The following PPARGC1A variants were observed in gnomAD, a reference collection of about 807,000 sequenced individuals.
PPARGC1A encodes the protein PPARG coactivator 1 alpha, also known as peroxisome proliferator-activated receptor gamma coactivator 1-alpha.
Under a neutral mutation model 88.7 loss-of-function variants are expected in PPARGC1A, and 25 were observed. That is an observed-to-expected ratio of 0.28 (90% CI 0.21 to 0.39). PPARGC1A has a LOEUF of 0.39. Among genes scored for constraint, PPARGC1A ranks in the 10% least tolerant of loss-of-function variants. The pLI is 1.00. For missense variants in PPARGC1A, 880 were observed against 968.7 expected, an observed-to-expected ratio of 0.91 and a Z score of 1.22; for synonymous variants, 363 against 355.6, an observed-to-expected ratio of 1.02 and a Z score of -0.24.
At chr4:24,156,996 C>T in the PPARGC1A span, among the ~76,000 whole-genome samples, 2 of 152,106 alleles carry the variant, frequency 1.3e-5, no homozygotes, top group African/African-American at 4.8e-5. Flanking sequence ...ATACAAGACA[C>T]TCATTTTTCT....
At chr4:24,427,535 T>C in the PPARGC1A span, among the ~76,000 whole-genome samples, 1 of 152,204 alleles carries the variant, frequency 6.6e-6, no homozygotes, top group Non-Finnish European at 1.5e-5. Context: ...CCGTGACCTA[T>C]CCAGTTTGTT....
intron 2 of PPARGC1A, among the ~76,000 whole-genome samples, chr4:23,860,854 G>A (rs1030388967): frequency 6.6e-6 from 1 of 152,150 alleles, no homozygotes; most frequent in Admixed American, 6.5e-5. Flanking sequence ...CCACTGGCTT[G>A]CACTCTGCCT....
the PPARGC1A span, among the ~76,000 whole-genome samples, chr4:24,316,384 A>G: frequency 6.6e-6 from 1 of 152,328 alleles, no homozygotes; most frequent in Admixed American, 6.5e-5. Context: ...ACAATGTCCA[A>G]ATGCTTGGCT....
chr4:24,143,064 C>A, the PPARGC1A span, among the ~76,000 whole-genome samples: 2 of 152,102 alleles, frequency 1.3e-5, no homozygotes, highest in Non-Finnish European at 2.9e-5. Context: ...TGCAGTGAAA[C>A]TATACCAATT....
chr4:24,075,784 A>G, the PPARGC1A span, among the ~76,000 whole-genome samples: 2 of 152,082 alleles, frequency 1.3e-5, no homozygotes, highest in Non-Finnish European at 2.9e-5. Flanking sequence ...AGGCCTTCCC[A>G]GCCACATGGA....
At chr4:23,960,879 T>G in the PPARGC1A span, among the ~76,000 whole-genome samples, 1 of 152,180 alleles carries the variant, frequency 6.6e-6, no homozygotes, top group Non-Finnish European at 1.5e-5. Flanking sequence ...TGGGCTTCTA[T>G]GTACATGGTA....
chr4:23,976,188 G>A, the PPARGC1A span, among the ~76,000 whole-genome samples: 2 of 152,312 alleles, frequency 1.3e-5, no homozygotes, highest in African/African-American at 2.4e-5. Context: ...TGTGGGGCAG[G>A]AAAGAGGAAT....
the PPARGC1A span, among the ~76,000 whole-genome samples, chr4:23,944,212 C>A: frequency 6.6e-6 from 1 of 152,176 alleles, no homozygotes; most frequent in Admixed American, 6.5e-5. Flanking sequence ...ATTCTCTGTA[C>A]TTTCTTAACA....
At chr4:24,322,111 CCCA>C in the PPARGC1A span, among the ~76,000 whole-genome samples, 2 of 152,174 alleles carry the variant, frequency 1.3e-5, no homozygotes, top group Admixed American at 6.5e-5. Flanking sequence ...GAATTCGTTA[CCCA>C]CCGAGTTAAA....
chr4:23,978,046 C>T, the PPARGC1A span, among the ~76,000 whole-genome samples: 137 of 152,208 alleles, frequency 9.0e-4, no homozygotes, highest in Non-Finnish European at 3.8e-4. Context: ...AGACTGCATT[C>T]GGATATGAGG....
the PPARGC1A span, among the ~76,000 whole-genome samples, chr4:24,194,624 G>GCGCA: frequency 3.6e-5 from 2 of 54,806 alleles, no homozygotes; most frequent in African/African-American, 6.1e-5. Flanking sequence ...GCGCGCGCAC[G>GCGCA]CGCGCGCACA....
chr4:23,890,911 A>C (rs1717764476), upstream of PPARGC1A, among the ~76,000 whole-genome samples: 1 of 152,014 alleles, frequency 6.6e-6, no homozygotes, highest in South Asian at 2.1e-4. Flanking sequence ...TTTTTCATAC[A>C]TGTAGCGTTT....
intron 2 of PPARGC1A, among the ~76,000 whole-genome samples, chr4:23,868,856 A>G (rs7683406): frequency 0.52 from 79,499 of 152,116 alleles, 21,627 homozygotes; most frequent in Non-Finnish European, 0.6. Flanking sequence ...GTTTCCTTTC[A>G]GTTCTCATTC....
At chr4:24,313,432 C>G in the PPARGC1A span, among the ~76,000 whole-genome samples, 85 of 152,332 alleles carry the variant, frequency 5.6e-4, no homozygotes, top group South Asian at 3.1e-3. Flanking sequence ...CACAAAATGC[C>G]TGTAATCTCT....
At chr4:24,165,629 A>G in the PPARGC1A span, among the ~76,000 whole-genome samples, 2 of 152,190 alleles carry the variant, frequency 1.3e-5, no homozygotes, top group African/African-American at 4.8e-5. Flanking sequence ...GGTAAGTCTC[A>G]TGGTATTTCA....
chr4:23,940,305 A>T, the PPARGC1A span, among the ~76,000 whole-genome samples: 2 of 152,318 alleles, frequency 1.3e-5, no homozygotes, highest in South Asian at 4.1e-4. Flanking sequence ...TATAACAGAG[A>T]ACTGTGGAAG....
At chr4:23,894,679 C>T (rs1718310102), upstream of PPARGC1A, among the ~76,000 whole-genome samples, 2 of 151,976 alleles carry the variant, frequency 1.3e-5, no homozygotes, top group African/African-American at 4.8e-5. Flanking sequence ...TAATTTGGAC[C>T]TCAAAATGTG....
At chr4:24,408,646 G>A in the PPARGC1A span, among the ~76,000 whole-genome samples, 2 of 152,184 alleles carry the variant, frequency 1.3e-5, no homozygotes, top group African/African-American at 4.8e-5. Flanking sequence ...AAGCCCAAAA[G>A]CATGGAAAGA....
chr4:24,020,707 G>A, the PPARGC1A span, among the ~76,000 whole-genome samples: 1 of 152,092 alleles, frequency 6.6e-6, no homozygotes, highest in Non-Finnish European at 1.5e-5. Flanking sequence ...AGAAAGGGAA[G>A]GGGGGACAGA....
Sources: allele counts gnomAD v4.1 joint callset (sites outside exome capture counted in the v4.1 genomes callset), GRCh38; gene constraint gnomAD v4.1.1; transcripts MANE v1.5; gene names NCBI Gene and HGNC (gene_info 2026-07-23, HGNC 2026-07-21).